Variants in MGAT4D observed in about 807,000 individuals in gnomAD.
MGAT4D encodes MGAT4 family member D, also known as alpha-1,3-mannosyl-glycoprotein 4-beta-N-acetylglucosaminyltransferase-like protein MGAT4D.
Under a neutral mutation model 15.9 loss-of-function variants are expected in MGAT4D, and 34 were observed. The observed-to-expected ratio is 2.14, with a 90% CI of 1.62 to 2.84. The LOEUF is 2.84. Ranked by LOEUF, MGAT4D falls within the 30% of genes most tolerant of loss-of-function variation. MGAT4D has a pLI of 0.00. For synonymous variants in MGAT4D, 112 were observed against 48.2 expected (o/e 2.33, Z -5.49); for missense variants, 327 against 140.2 (o/e 2.33, Z -6.73).
intron 5 of MGAT4D, among the ~76,000 whole-genome samples, chr4:140,465,782 A>G (rs1244371813): frequency 6.6e-6 from 1 of 152,224 alleles, no homozygotes; most frequent in Non-Finnish European, 1.5e-5. Flanking sequence ...AATCTCCATT[A>G]TGGGCAAAAT....
Position 140,442,495 on chromosome 4 carries a change from G to A in MGAT4D, c.*941C>T, listed in dbSNP as rs1279881735. ...TAATGGGCCCCTGTAGAAACTGATG[G>A]ATCAAGCATATAGAAATTAGTAAGG... On this transcript the variant is annotated 3_prime_UTR_variant, in exon 11 of 11. Transcript: ENST00000511113. The A allele has an allele frequency of 6.6e-6, 1 of 151,970 alleles. No individual in the cohort carries two copies. The highest frequency in any genetic ancestry group is 1.5e-5 in the Non-Finnish European group (1 of 67,958). 9.4% of individuals were successfully genotyped at this position (151,970 alleles called of 1,614,324 possible).
chr4:140,491,952 TG>T (rs796066013), intron 1 of MGAT4D, among the ~76,000 whole-genome samples: 33 of 152,248 alleles, frequency 2.2e-4, no homozygotes, highest in African/African-American at 7.0e-4. Context: ...CCAGGTCAAA[TG>T]GTGTTGTGCA....
intron 7 of MGAT4D, among the ~76,000 whole-genome samples, chr4:140,460,891 C>T (rs1371348335): frequency 1.3e-5 from 2 of 152,154 alleles, no homozygotes; most frequent in Non-Finnish European, 2.9e-5. Flanking sequence ...GACTAAGTAG[C>T]TTTATGCTTG....
chr4:140,471,732 A>G, intron 5 of MGAT4D, 43 bp downstream of exon 5: 1 of 415,464 alleles, frequency 2.4e-6, no homozygotes, highest in Non-Finnish European at 4.4e-6. Context: ...AGATAGAAAA[A>G]TGAAAGAATG....
At chr4:140,444,058 A>C (rs550414907) in intron 10 of MGAT4D, among the ~76,000 whole-genome samples, 1 of 152,314 alleles carries the variant, frequency 6.6e-6, no homozygotes, top group Non-Finnish European at 1.5e-5. Flanking sequence ...CAAATTCTAA[A>C]AGAGAATTGT....
chr4:140,456,486 G>A (rs1372252070), intron 9 of MGAT4D, 103 bp downstream of exon 9: 1 of 413,338 alleles, frequency 2.4e-6, no homozygotes, highest in Admixed American at 4.3e-5. Flanking sequence ...TTTAAAAATT[G>A]GTGCATTTAT....
chr4:140,464,851 G>T (rs1212133702), intron 6 of MGAT4D, 45 bp downstream of exon 6: 1 of 699,148 alleles, frequency 1.4e-6, no homozygotes, highest in Non-Finnish European at 2.6e-6. Flanking sequence ...GATTTTATCA[G>T]ATGAAGTTAG....
At chr4:140,461,088 C>A (rs1019484380) in intron 7 of MGAT4D, among the ~76,000 whole-genome samples, 4 of 152,092 alleles carry the variant, frequency 2.6e-5, no homozygotes, top group African/African-American at 9.7e-5. Context: ...ATATATTATG[C>A]ATAATCTGTA....
rs769732966 is a variant in MGAT4D, at chr4:140,456,603, C to T, written c.994G>A (p.Ala332Thr). 8 of 671,438 alleles carry T rather than the reference C, an allele frequency of 1.2e-5. No individual in the cohort carries two copies. Among genetic ancestry groups the T allele is most frequent in the Admixed American group, 2.2e-5 (1 of 46,054 alleles). The allele number at this position is 671,438 out of a possible 1,614,324, so 41.6% of individuals were successfully genotyped here. ...NDIFQVKVCD[A>T]GEDLRNCMKR... is the part of the protein sequence containing the mutation. Reference sequence around the variant, plus strand: ...TAAATACTCACAAGATCTTCTCCTGCGTCACACACCTTTACCTGAAAAATG... The same window carrying T: ...TAAATACTCACAAGATCTTCTCCTGTGTCACACACCTTTACCTGAAAAATG... Residue 332 changes from alanine (A) to threonine (T), a missense_variant, in exon 9 of 11, where the codon GCA becomes ACA. Physicochemically the swap from Ala to Thr is moderately conservative, Grantham distance 58 (BLOSUM62 0). Coordinates refer to ENST00000511113, the MANE Select transcript of MGAT4D (RefSeq NM_001277353.2).
At chr4:140,472,665 A>G (rs1732046279) in intron 4 of MGAT4D, among the ~76,000 whole-genome samples, 1 of 152,214 alleles carries the variant, frequency 6.6e-6, no homozygotes, top group Non-Finnish European at 1.5e-5. Context: ...TATTTTAAAC[A>G]CGGCGTCAAA....
chr4:140,444,716 T>C (rs143858802), intron 10 of MGAT4D, among the ~76,000 whole-genome samples: 2,062 of 152,282 alleles, frequency 0.014, 48 homozygotes, highest in African/African-American at 0.047. Flanking sequence ...TTGTATTCCT[T>C]TGGGTATATA....
chr4:140,476,635 A>G (rs904138406), intron 3 of MGAT4D, among the ~76,000 whole-genome samples: 3 of 152,116 alleles, frequency 2.0e-5, no homozygotes, highest in Non-Finnish European at 2.9e-5. Context: ...GTACTGATCT[A>G]TCCCTTTTTT....
At chr4:140,496,789 A>G (rs1246371260) in intron 1 of MGAT4D, among the ~76,000 whole-genome samples, 1 of 152,170 alleles carries the variant, frequency 6.6e-6, no homozygotes, top group Non-Finnish European at 1.5e-5. Flanking sequence ...GTTGCAGTGC[A>G]GTGGCCACTA....
chr4:140,485,810 TAAAAAAAAAAAAAAAAAAAAA>T (rs61131099), intron 1 of MGAT4D, among the ~76,000 whole-genome samples: 203 of 13,028 alleles, frequency 0.016, 14 homozygotes, highest in Non-Finnish European at 0.022. Context: ...GACCCTGTCT[TAAAAAAAAAAAAAAAAAAAAA>T]AAAAAAAAAA....
intron 7 of MGAT4D, among the ~76,000 whole-genome samples, chr4:140,460,171 C>T (rs1731081019): frequency 6.6e-6 from 1 of 152,220 alleles, no homozygotes; most frequent in African/African-American, 2.4e-5. Flanking sequence ...GTCTCTTTAT[C>T]TAAATCCACT....
chr4:140,453,161 T>G (rs1216210811), intron 9 of MGAT4D, among the ~76,000 whole-genome samples: 1 of 152,196 alleles, frequency 6.6e-6, no homozygotes, highest in Non-Finnish European at 1.5e-5. Flanking sequence ...AGCTTTGTAG[T>G]AAGCTTTCAG....
intron 1 of MGAT4D, among the ~76,000 whole-genome samples, chr4:140,491,279 A>G (rs955193765): frequency 1.3e-5 from 2 of 152,158 alleles, no homozygotes; most frequent in African/African-American, 2.4e-5. Flanking sequence ...GGTCATACAC[A>G]TTGGTGAAAC....
At chr4:140,462,694 A>G (rs572813152) in intron 6 of MGAT4D, 4 of 152,344 alleles carry the variant, frequency 2.6e-5, no homozygotes, top group African/African-American at 9.6e-5. Context: ...GAGTAATTGT[A>G]TGAATTACTA....
intron 1 of MGAT4D, among the ~76,000 whole-genome samples, chr4:140,483,472 T>TA (rs1190274663): frequency 7.2e-5 from 11 of 152,032 alleles, no homozygotes; most frequent in African/African-American, 2.7e-4. Flanking sequence ...ATGCAATCCT[T>TA]AAAAAAATCC....
Sources: allele counts gnomAD v4.1 joint callset (sites outside exome capture counted in the v4.1 genomes callset), GRCh38; gene constraint gnomAD v4.1.1; transcripts MANE v1.5; gene names NCBI Gene and HGNC (gene_info 2026-07-23, HGNC 2026-07-21).